TTC7B: variants seen among roughly 807,000 people sequenced by gnomAD.
TTC7B encodes the protein tetratricopeptide repeat protein 7B.
Under a neutral mutation model 106.8 loss-of-function variants are expected in TTC7B, and 28 were observed. That is an observed-to-expected ratio of 0.26 (90% CI 0.19 to 0.36). The LOEUF is 0.36. Among genes scored for constraint, TTC7B ranks in the 10% least tolerant of loss-of-function variants. The pLI is 1.00. For synonymous variants in TTC7B, 405 were observed against 430.6 expected (o/e 0.94, Z 0.74); for missense variants, 862 against 1,076.4 (o/e 0.80, Z 2.79).
At chr14:90,719,404 A>T (rs916098345) in intron 5 of TTC7B, among the ~76,000 whole-genome samples, 1 of 152,230 alleles carries the variant, frequency 6.6e-6, no homozygotes, top group Non-Finnish European at 1.5e-5. Context: ...ATGGCCCCTG[A>T]TTGATAACTT....
At position 90,749,114 on chromosome 14, in the gene TTC7B, G is replaced by A. The variant is rs141752244; in HGVS notation, c.446-4192C>T. Among the ~76,000 whole-genome samples, 299 of 152,072 alleles carry A rather than the reference G, an allele frequency of 2.0e-3. 5 individuals are homozygous for A. Among genetic ancestry groups the A allele is most frequent in the African/African-American group, 7.0e-3 (291 of 41,472 alleles). On this transcript the variant is annotated intron_variant, in intron 3 of 19. Coordinates refer to ENST00000328459, the MANE Select transcript of TTC7B (RefSeq NM_001010854.2). ...ACAATAATTCTGCTATCACCCTTAC[G>A]TTTGTTCATTTGTATATAATATGTC... is the stretch of plus-strand genomic sequence containing the variant.
At chr14:90,619,424 A>G (rs1893218726) in intron 15 of TTC7B, among the ~76,000 whole-genome samples, 1 of 152,118 alleles carries the variant, frequency 6.6e-6, no homozygotes, top group Non-Finnish European at 1.5e-5. Context: ...CCCAACTTCA[A>G]CTTCTACTCA....
At chr14:90,731,362 GTCAGCAGCTCT>G (rs1478530365) in intron 4 of TTC7B, among the ~76,000 whole-genome samples, 2 of 152,214 alleles carry the variant, frequency 1.3e-5, no homozygotes, top group African/African-American at 4.8e-5. Context: ...TTTGCTGAAA[GTCAGCAGCTCT>G]TCAAAAGACC....
intron 15 of TTC7B, among the ~76,000 whole-genome samples, chr14:90,629,297 T>C (rs1884587698): frequency 6.6e-6 from 1 of 152,182 alleles, no homozygotes; most frequent in African/African-American, 2.4e-5. Context: ...AATGCAACCA[T>C]TACAAATGAA....
intron 2 of TTC7B, among the ~76,000 whole-genome samples, chr14:90,784,713 T>G (rs1393494067): frequency 6.6e-6 from 1 of 152,058 alleles, no homozygotes; most frequent in African/African-American, 2.4e-5. Context: ...AAGACCTGGT[T>G]TTTGAAGCCC....
At chr14:90,721,058 T>C (rs140756817) in intron 5 of TTC7B, among the ~76,000 whole-genome samples, 1 of 152,248 alleles carries the variant, frequency 6.6e-6, no homozygotes, top group East Asian at 1.9e-4. Flanking sequence ...TTGGTGGTGA[T>C]TAAAGGAACT....
intron 3 of TTC7B, among the ~76,000 whole-genome samples, chr14:90,761,033 A>G (rs745482521): frequency 2.8e-4 from 43 of 152,234 alleles, no homozygotes; most frequent in Non-Finnish European, 5.6e-4. Context: ...TATGACAGTG[A>G]AAGAAATCTG....
chr14:90,526,406 A>G lies in TTC7B; in HGVS notation c.*14962T>C, dbSNP rs985246229. The G allele has an allele frequency of 2.0e-5, 3 of 152,208 alleles. No individual in the cohort carries two copies. Among genetic ancestry groups the G allele is most frequent in the African/African-American group, 7.2e-5 (3 of 41,438 alleles). The allele number at this position is 152,208 out of a possible 1,614,324, so 9.4% of individuals were successfully genotyped here. On this transcript the variant is annotated 3_prime_UTR_variant, in exon 20 of 20. Transcript: ENST00000328459. ...GAGATAACACAGGGAATTCCCATTT[A>G]CCCTTCACTCAATTTCCCCTAATAT...
intron 18 of TTC7B, among the ~76,000 whole-genome samples, chr14:90,579,374 G>A (rs190914207): frequency 1.5e-3 from 232 of 152,328 alleles, no homozygotes; most frequent in African/African-American, 5.3e-3. Flanking sequence ...GACCACTGGC[G>A]TATCCTGCAG....
chr14:90,641,986 G>C (rs1472516609), intron 15 of TTC7B, among the ~76,000 whole-genome samples: 2 of 151,680 alleles, frequency 1.3e-5, no homozygotes, highest in Non-Finnish European at 2.9e-5. Context: ...ACGGAATGAA[G>C]CTTTATAAAT....
At chr14:90,739,057 T>A (rs1354361727) in intron 4 of TTC7B, among the ~76,000 whole-genome samples, 1 of 152,016 alleles carries the variant, frequency 6.6e-6, no homozygotes, top group Non-Finnish European at 1.5e-5. Flanking sequence ...ACAGGAAATA[T>A]ACAAAAATTA....
chr14:90,749,481 C>A (rs113308219), intron 3 of TTC7B, among the ~76,000 whole-genome samples: 6,536 of 149,128 alleles, frequency 0.044, 180 homozygotes, highest in Non-Finnish European at 0.06. Flanking sequence ...TCTCAGCTCA[C>A]TGCAACCTCC....
At chr14:90,550,147 C>T (rs1314968601) in intron 19 of TTC7B, among the ~76,000 whole-genome samples, 2 of 152,294 alleles carry the variant, frequency 1.3e-5, no homozygotes, top group African/African-American at 2.4e-5. Flanking sequence ...ACAATTGCAG[C>T]TCACCTACCC....
chr14:90,694,233 A>T (rs538137081), intron 6 of TTC7B, among the ~76,000 whole-genome samples: 4 of 152,324 alleles, frequency 2.6e-5, no homozygotes, highest in African/African-American at 9.6e-5. Context: ...GCGAGACTCT[A>T]TCTCAAAACA....
At chr14:90,782,334 C>T (rs768305890) in intron 2 of TTC7B, among the ~76,000 whole-genome samples, 2 of 152,174 alleles carry the variant, frequency 1.3e-5, no homozygotes, top group African/African-American at 2.4e-5. Flanking sequence ...TGCGGTGGCT[C>T]ACACCTATAA....
intron 1 of TTC7B, among the ~76,000 whole-genome samples, chr14:90,789,723 C>T (rs1339468745): frequency 9.2e-5 from 14 of 151,618 alleles, no homozygotes; most frequent in African/African-American, 2.9e-4. Flanking sequence ...GGTGAAACCC[C>T]GTCTCTACTA....
intron 13 of TTC7B, among the ~76,000 whole-genome samples, chr14:90,651,665 C>T (rs1193314186): frequency 6.6e-6 from 1 of 152,214 alleles, no homozygotes; most frequent in East Asian, 1.9e-4. Flanking sequence ...AAAAGCTTAG[C>T]ACAGAGACAG....
At chr14:90,765,218 C>T (rs1890634394) in intron 3 of TTC7B, among the ~76,000 whole-genome samples, 1 of 152,088 alleles carries the variant, frequency 6.6e-6, no homozygotes, top group South Asian at 2.1e-4. Flanking sequence ...AAGTCAAGTG[C>T]ATGATTTCAT....
At chr14:90,628,342 C>T (rs1459676842) in intron 15 of TTC7B, among the ~76,000 whole-genome samples, 1 of 152,224 alleles carries the variant, frequency 6.6e-6, no homozygotes, top group Non-Finnish European at 1.5e-5. Flanking sequence ...TGTTCTGCCA[C>T]CCTTCCTCTC....
Sources: allele counts gnomAD v4.1 joint callset (sites outside exome capture counted in the v4.1 genomes callset), GRCh38; gene constraint gnomAD v4.1.1; transcripts MANE v1.5; gene names NCBI Gene and HGNC (gene_info 2026-07-23, HGNC 2026-07-21).